The following SGCD variants were observed in gnomAD, a reference collection of about 807,000 sequenced individuals.
SGCD encodes the protein sarcoglycan delta, also known as delta-sarcoglycan.
A neutral mutation model predicts 36.6 loss-of-function variants in SGCD; 18 were observed. That is an observed-to-expected ratio of 0.49 (90% CI 0.34 to 0.73). The LOEUF (loss-of-function observed/expected upper bound fraction) is 0.73. Ranked by LOEUF, SGCD falls within the 30% of genes least tolerant of loss-of-function variation. SGCD has a pLI of 0.01. For synonymous variants in SGCD, 133 were observed against 130.6 expected (o/e 1.02, Z -0.12); for missense variants, 387 against 346.7 (o/e 1.12, Z -0.92).
chr5:156,726,824 G>A (rs1581475925), intron 7 of SGCD, among the ~76,000 whole-genome samples: 1 of 152,176 alleles, frequency 6.6e-6, no homozygotes, highest in African/African-American at 2.4e-5. Flanking sequence ...TGATGTTAGG[G>A]CCAGAATGGT....
At chr5:155,984,593 C>T (rs868526939) in intron 1 of SGCD, among the ~76,000 whole-genome samples, 7 of 152,172 alleles carry the variant, frequency 4.6e-5, no homozygotes, top group East Asian at 1.9e-4. Flanking sequence ...CTGGTGTCTT[C>T]GGCATTAATC....
chr5:156,722,757 C>T (rs932573543), intron 7 of SGCD, among the ~76,000 whole-genome samples: 3 of 152,184 alleles, frequency 2.0e-5, no homozygotes, highest in Non-Finnish European at 4.4e-5. Context: ...AGTTATAGGT[C>T]GACCATTCCA....
intron 1 of SGCD, among the ~76,000 whole-genome samples, chr5:155,893,835 C>A (rs1756188775): frequency 6.6e-6 from 1 of 152,174 alleles, no homozygotes; most frequent in African/African-American, 2.4e-5. Context: ...GATGGTATAG[C>A]CTATAGCCTA....
the SGCD span, among the ~76,000 whole-genome samples, chr5:155,814,620 C>G: frequency 6.6e-6 from 1 of 152,060 alleles, no homozygotes; most frequent in Admixed American, 6.6e-5. Context: ...AATAGAAGAT[C>G]GTGAGTGCAA....
intron 7 of SGCD, among the ~76,000 whole-genome samples, chr5:156,655,789 C>T (rs1408922157): frequency 1.3e-5 from 2 of 151,992 alleles, no homozygotes; most frequent in African/African-American, 4.8e-5. Flanking sequence ...CTATGAATAT[C>T]TTAAATGTTC....
the SGCD span, among the ~76,000 whole-genome samples, chr5:155,826,098 C>G: frequency 6.6e-6 from 1 of 152,178 alleles, no homozygotes; most frequent in Non-Finnish European, 1.5e-5. Context: ...AAAGGTGAAT[C>G]CTATTGCTGG....
intron 1 of SGCD, among the ~76,000 whole-genome samples, chr5:155,960,399 G>A (rs945954722): frequency 7.9e-5 from 12 of 151,946 alleles, no homozygotes; most frequent in Non-Finnish European, 1.8e-4. Flanking sequence ...CTAGCCCAGC[G>A]CCAAGCCCAG....
intron 3 of SGCD, among the ~76,000 whole-genome samples, chr5:156,215,992 G>T (rs1764562344): frequency 6.6e-6 from 1 of 152,166 alleles, no homozygotes; most frequent in African/African-American, 2.4e-5. Flanking sequence ...TAATGGAATA[G>T]TATTTAGCCT....
Position 156,507,771 on chromosome 5 carries a change from G to C in SGCD, c.193-830G>C, listed in dbSNP as rs544750550. Among the ~76,000 whole-genome samples, 5 of 152,266 alleles carry C rather than the reference G, an allele frequency of 3.3e-5. No individual in the cohort carries two copies. The East Asian group carries it at 9.6e-4, about 29-fold the overall frequency. On this transcript the variant is annotated intron_variant, in intron 3 of 8. Coordinates refer to ENST00000337851, the MANE Select transcript of SGCD (RefSeq NM_000337.6). ...TTTGTATATGTGTGGATGTATGAGA[G>C]AGAAAATGACTGACTGGAAATTTTA...
At chr5:156,607,105 G>A (rs563143060) in intron 6 of SGCD, among the ~76,000 whole-genome samples, 1 of 152,246 alleles carries the variant, frequency 6.6e-6, no homozygotes, top group South Asian at 2.1e-4. Flanking sequence ...GGTGAGAGAG[G>A]GCATCCCTGT....
At chr5:156,750,879 T>A (rs1757126586) in intron 7 of SGCD, among the ~76,000 whole-genome samples, 1 of 152,122 alleles carries the variant, frequency 6.6e-6, no homozygotes, top group East Asian at 1.9e-4. Context: ...AAACACCATT[T>A]TCAATAGCTA....
At chr5:156,022,308 C>G (rs1218361034) in intron 1 of SGCD, among the ~76,000 whole-genome samples, 1 of 152,138 alleles carries the variant, frequency 6.6e-6, no homozygotes, top group Admixed American at 6.5e-5. Context: ...AAATACCTCA[C>G]AGACTTTAAG....
At chr5:156,216,692 T>G (rs1185463560) in intron 3 of SGCD, among the ~76,000 whole-genome samples, 3 of 152,172 alleles carry the variant, frequency 2.0e-5, no homozygotes, top group Non-Finnish European at 4.4e-5. Context: ...TTTAAAAACA[T>G]GTGTTATAGG....
chr5:156,732,173 A>G (rs1262826081), intron 7 of SGCD, among the ~76,000 whole-genome samples: 1 of 151,984 alleles, frequency 6.6e-6, no homozygotes, highest in Non-Finnish European at 1.5e-5. Flanking sequence ...AACTTCCAAT[A>G]CTGTGTTGAA....
At chr5:156,606,336 GTCAAAGA>G (rs558585843) in intron 6 of SGCD, among the ~76,000 whole-genome samples, 72 of 152,278 alleles carry the variant, frequency 4.7e-4, no homozygotes, top group African/African-American at 1.7e-3. Context: ...TGTCAGGTAT[GTCAAAGA>G]TCAGATAGTT....
intron 7 of SGCD, among the ~76,000 whole-genome samples, chr5:156,696,915 A>AACACACACACACACAC (rs57963416): frequency 1.4e-5 from 2 of 145,060 alleles, no homozygotes; most frequent in African/African-American, 5.1e-5. Context: ...CCTTACACAC[A>AACACACACACACACAC]ACACACACAC....
At chr5:155,853,163 A>G in the SGCD span, among the ~76,000 whole-genome samples, 4 of 149,302 alleles carry the variant, frequency 2.7e-5, no homozygotes, top group Admixed American at 2.6e-4. Flanking sequence ...TTATATTATA[A>G]CTGAGATAAA....
intron 1 of SGCD, among the ~76,000 whole-genome samples, chr5:155,978,360 G>A (rs186854781): frequency 2.0e-5 from 3 of 152,310 alleles, no homozygotes; most frequent in Admixed American, 6.5e-5. Flanking sequence ...GGTTGGAGTG[G>A]GACAGGGTGG....
intron 4 of SGCD, among the ~76,000 whole-genome samples, chr5:156,564,429 G>A (rs186485319): frequency 1.3e-5 from 2 of 152,188 alleles, no homozygotes; most frequent in South Asian, 2.1e-4. Context: ...CAGCCTGGGC[G>A]ACAGAGCAAG....
Sources: gnomAD v4.1 joint callset for allele counts (sites outside exome capture counted in the v4.1 genomes callset) on GRCh38, gnomAD v4.1.1 for gene constraint, MANE v1.5 for transcripts, NCBI Gene and HGNC (gene_info 2026-07-23, HGNC 2026-07-21) for gene names.